NXPH1: variants seen among roughly 807,000 people sequenced by gnomAD.
The protein encoded by NXPH1 is neurexophilin 1.
A neutral mutation model predicts 23.7 loss-of-function variants in NXPH1; 5 were observed. That is an observed-to-expected ratio of 0.21 (90% CI 0.11 to 0.44). NXPH1 has a LOEUF of 0.44. Ranked by LOEUF, NXPH1 falls within the 20% of genes least tolerant of loss-of-function variation. NXPH1 has a pLI of 0.99. For missense variants in NXPH1, 324 were observed against 321.6 expected, an observed-to-expected ratio of 1.01 and a Z score of -0.06; for synonymous variants, 144 against 122.2, an observed-to-expected ratio of 1.18 and a Z score of -1.18.
chr7:8,533,331 C>T (rs1294799975), intron 2 of NXPH1, among the ~76,000 whole-genome samples: 1 of 152,020 alleles, frequency 6.6e-6, no homozygotes, highest in Admixed American at 6.6e-5. Flanking sequence ...CACTAGTATA[C>T]TTTATTAGTG....
chr7:8,523,821 A>G (rs933700784), intron 2 of NXPH1, among the ~76,000 whole-genome samples: 1 of 152,094 alleles, frequency 6.6e-6, no homozygotes, highest in African/African-American at 2.4e-5. Flanking sequence ...CATACATTCT[A>G]TATCATGGGT....
chr7:8,515,429 G>T (rs769211716), intron 2 of NXPH1, among the ~76,000 whole-genome samples: 3 of 152,086 alleles, frequency 2.0e-5, no homozygotes, highest in Non-Finnish European at 4.4e-5. Context: ...ACATTTCACA[G>T]CTAAATTGTG....
chr7:8,634,695 T>TCCC (rs138945468), intron 2 of NXPH1, among the ~76,000 whole-genome samples: 39,498 of 135,728 alleles, frequency 0.29, 6,335 homozygotes, highest in African/African-American at 0.39. Context: ...TTTTTTTTTT[T>TCCC]CCAAAGAGCA....
chr7:8,469,666 C>T (rs1816841144), intron 2 of NXPH1, among the ~76,000 whole-genome samples: 1 of 152,086 alleles, frequency 6.6e-6, no homozygotes, highest in Non-Finnish European at 1.5e-5. Flanking sequence ...GGGATCTTTA[C>T]ACTTTAATTC....
chr7:8,724,973 A>T (rs1780025323), intron 2 of NXPH1, among the ~76,000 whole-genome samples: 1 of 152,230 alleles, frequency 6.6e-6, no homozygotes, highest in Non-Finnish European at 1.5e-5. Context: ...GCAGCATCTG[A>T]TTCCAAATCT....
intron 2 of NXPH1, among the ~76,000 whole-genome samples, chr7:8,505,746 T>A (rs1472623433): frequency 6.6e-6 from 1 of 152,110 alleles, no homozygotes; most frequent in Non-Finnish European, 1.5e-5. Context: ...GTTAAATAAC[T>A]ATGTTAGGCA....
At chr7:8,529,537 C>G (rs768070661) in intron 2 of NXPH1, among the ~76,000 whole-genome samples, 1 of 152,198 alleles carries the variant, frequency 6.6e-6, no homozygotes, top group Non-Finnish European at 1.5e-5. Flanking sequence ...GCTCCATTAC[C>G]AGTAGAGTAC....
At chr7:8,510,225 C>T (rs1346990301) in intron 2 of NXPH1, among the ~76,000 whole-genome samples, 1 of 152,116 alleles carries the variant, frequency 6.6e-6, no homozygotes, top group Non-Finnish European at 1.5e-5. Flanking sequence ...TGCCCATTTT[C>T]AACATTGAAA....
In NXPH1 at chr7:8,498,067, T is replaced by A. The variant is rs575187789; in HGVS notation, c.54+62300T>A. The stretch of plus-strand genomic sequence containing the variant: ...TCTGTATGAGACAATCATAGGGCTC[T>A]GCTTATTTTGTGAGAATATTGAATC... On this transcript the variant is annotated intron_variant, in intron 2 of 2. Transcript: ENST00000405863. 2.0e-5 allele frequency among the ~76,000 whole-genome samples: 3 copies of A among 152,252 alleles called. No individual in the cohort carries two copies. In the South Asian group the frequency reaches 6.2e-4, roughly 32 times the overall value.
At chr7:8,501,958 GA>G (rs1347403626) in intron 2 of NXPH1, among the ~76,000 whole-genome samples, 2 of 152,010 alleles carry the variant, frequency 1.3e-5, no homozygotes, top group South Asian at 2.1e-4. Flanking sequence ...TACAATTAGA[GA>G]AAAAAATTAA....
At chr7:8,547,091 C>A (rs1818207509) in intron 2 of NXPH1, among the ~76,000 whole-genome samples, 1 of 151,394 alleles carries the variant, frequency 6.6e-6, no homozygotes, top group Admixed American at 6.6e-5. Context: ...AACTGTAAAC[C>A]ATATAAATAT....
intron 2 of NXPH1, among the ~76,000 whole-genome samples, chr7:8,593,712 C>T (rs1819155008): frequency 6.6e-6 from 1 of 152,002 alleles, no homozygotes; most frequent in Non-Finnish European, 1.5e-5. Context: ...ATCTCCCTTC[C>T]TAGTTACCTT....
intron 2 of NXPH1, among the ~76,000 whole-genome samples, chr7:8,449,235 C>G (rs1001506083): frequency 6.6e-6 from 1 of 152,200 alleles, no homozygotes; most frequent in African/African-American, 2.4e-5. Flanking sequence ...GCCACAGTAT[C>G]CCTCTCATAT....
intron 2 of NXPH1, among the ~76,000 whole-genome samples, chr7:8,473,510 A>G (rs1432547827): frequency 2.6e-5 from 4 of 152,154 alleles, no homozygotes; most frequent in Non-Finnish European, 5.9e-5. Flanking sequence ...ACACCTACTT[A>G]AATAATTGCT....
chr7:8,746,308 TAAG>T (rs1341944833), intron 2 of NXPH1, among the ~76,000 whole-genome samples: 1 of 152,194 alleles, frequency 6.6e-6, no homozygotes, highest in Non-Finnish European at 1.5e-5. Flanking sequence ...ACTGAGGGAA[TAAG>T]AATATTTAAG....
chr7:8,449,882 A>T (rs1816474627), intron 2 of NXPH1, among the ~76,000 whole-genome samples: 1 of 152,158 alleles, frequency 6.6e-6, no homozygotes, highest in African/African-American at 2.4e-5. Flanking sequence ...TTCTTTAGGG[A>T]CTTCCCATCA....
rs184021105 is a variant in NXPH1 at position 8,435,551 on chromosome 7, A to T, written c.-110-53A>T. The T allele has an allele frequency of 7.2e-4, 430 of 600,728 alleles. 1 individual carries two copies. Among genetic ancestry groups the T allele is most frequent in the Admixed American group, 1.9e-3 (69 of 37,098 alleles). 37.2% of individuals were successfully genotyped at this position (600,728 alleles called of 1,614,324 possible). Reference sequence around the variant, plus strand: ...GACCCCCTTTCCCCGCTTGATTGTCAAGCCTAACCTTGCCCGCGTAGTCAT... The same window carrying T: ...GACCCCCTTTCCCCGCTTGATTGTCTAGCCTAACCTTGCCCGCGTAGTCAT... On this transcript the variant is annotated intron_variant, in intron 1 of 2. Transcript: ENST00000405863. This position sits in a 1 kb window ranked among gnomAD's most constrained non-coding sequence, Gnocchi z 5.9.
At position 8,752,752 on chromosome 7, in the gene NXPH1, G is replaced by A. The variant is rs992336143; in HGVS notation, c.*983G>A. On this transcript the variant is annotated 3_prime_UTR_variant, in exon 3 of 3. Coordinates refer to ENST00000405863, the MANE Select transcript of NXPH1 (RefSeq NM_152745.3). The stretch of plus-strand genomic sequence containing the variant: ...GTACTTGTCTCTCTGCTTGTTATTG[G>A]TTAAGAAAAAAGGATATGAGGAATT... 2 of 152,124 alleles carry A rather than the reference G, an allele frequency of 1.3e-5. No individual in the cohort carries two copies. The highest frequency in any genetic ancestry group is 4.8e-5 in the African/African-American group (2 of 41,292). 9.4% of individuals were successfully genotyped at this position (152,124 alleles called of 1,614,324 possible).
At chr7:8,478,159 G>A (rs941270666) in intron 2 of NXPH1, among the ~76,000 whole-genome samples, 8 of 152,010 alleles carry the variant, frequency 5.3e-5, no homozygotes, top group Admixed American at 4.6e-4. Context: ...GCAAAAATGT[G>A]TAACTGTCTC....
Sources: allele counts gnomAD v4.1 joint callset (sites outside exome capture counted in the v4.1 genomes callset), GRCh38; gene constraint gnomAD v4.1.1; non-coding constraint Gnocchi (gnomAD v3.1); transcripts MANE v1.5; gene names NCBI Gene and HGNC (gene_info 2026-07-23, HGNC 2026-07-21).